PDGFRB: variants seen among roughly 807,000 people sequenced by gnomAD.
PDGFRB encodes platelet derived growth factor receptor beta.
In PDGFRB, 42 loss-of-function variants were observed where a neutral mutation model predicts 120.2. The ratio of observed to expected loss-of-function variants is 0.35; its 90% CI spans 0.27 to 0.45. The LOEUF is 0.45. Among genes scored for constraint, PDGFRB ranks in the 20% least tolerant of loss-of-function variants. The pLI is 1.00. For missense variants in PDGFRB, 1,149 were observed against 1,476.3 expected (o/e 0.78, Z 3.63); for synonymous variants, 586 against 606.8 (o/e 0.97, Z 0.50).
In PDGFRB at chr5:150,129,797, A is replaced by G. The variant is rs150562879; in HGVS notation, c.1539T>C (p.Ala513=). ...TGACCTCCTGCGTGTCCTGGCCCAC[A>G]GCGTTGCGCAGCGTGCAGCGCACCG... ...PLSVRCTLRN[A]VGQDTQEVIV... The change falls in exon 10 of 23, where the codon GCT becomes GCC. Residue 513 remains alanine (A), a synonymous_variant. Coordinates refer to ENST00000261799, the MANE Select transcript of PDGFRB (RefSeq NM_002609.4). 3.1e-5 allele frequency: 50 copies of G among 1,613,944 alleles called. No individual in the cohort carries two copies. In the East Asian group the frequency reaches 8.5e-4, roughly 27 times the overall value.
At chr5:150,122,349 C>T (rs1760165994) in intron 15 of PDGFRB, 2 of 325,214 alleles carry the variant, frequency 6.1e-6, no homozygotes, top group Non-Finnish European at 1.2e-5. Context: ...CCAGCGCCAC[C>T]TGGCCATGGG....
At chr5:150,127,860 C>T (rs1485573275) in intron 10 of PDGFRB, among the ~76,000 whole-genome samples, 3 of 76,760 alleles carry the variant, frequency 3.9e-5, no homozygotes, top group African/African-American at 1.2e-4. Context: ...AAAAAAAAAA[C>T]TTTGGATGCT....
intron 15 of PDGFRB, among the ~76,000 whole-genome samples, chr5:150,122,793 C>A (rs1363513301): frequency 6.6e-6 from 1 of 152,212 alleles, no homozygotes; most frequent in Non-Finnish European, 1.5e-5. Context: ...CTGCCCTGGA[C>A]TGAAGGGCAA....
intron 22 of PDGFRB, 71 bp downstream of exon 22, chr5:150,117,547 C>CACAG (rs33959792): frequency 7.6e-5 from 34 of 447,356 alleles, no homozygotes; most frequent in Non-Finnish European, 1.1e-4. Context: ...CGCGCGCGCA[C>CACAG]ACACACACAC....
At chr5:150,155,030 G>C (rs1248887273) in intron 1 of PDGFRB, among the ~76,000 whole-genome samples, 1 of 152,140 alleles carries the variant, frequency 6.6e-6, no homozygotes, top group African/African-American at 2.4e-5. Flanking sequence ...CCTGCTTTCT[G>C]TGTACCCTGC....
chr5:150,117,858 CG>C lies in PDGFRB; in HGVS notation c.2905-9del. The C allele has an allele frequency of 6.4e-7, 1 of 1,555,550 alleles. No individual in the cohort carries two copies. The highest frequency in any genetic ancestry group is 8.8e-7 in the Non-Finnish European group (1 of 1,131,670). On this transcript the variant is annotated splice_polypyrimidine_tract_variant and intron_variant, in intron 21 of 22. Transcript: ENST00000261799. ...ATCCACCTGCTGGTACTTCTGCTCC[CG>C]GGGCAGGGAGAACCAAAGAAACAGG...
chr5:150,146,828 C>T (rs561224419), intron 1 of PDGFRB, among the ~76,000 whole-genome samples: 14 of 152,324 alleles, frequency 9.2e-5, no homozygotes, highest in African/African-American at 2.6e-4. Flanking sequence ...GGCGTCCATA[C>T]GGAATCCAGG....
At chr5:150,147,703 C>G (rs978953854) in intron 1 of PDGFRB, among the ~76,000 whole-genome samples, 1 of 152,214 alleles carries the variant, frequency 6.6e-6, no homozygotes, top group Non-Finnish European at 1.5e-5. Context: ...GACCCTCTCA[C>G]TGTCTCAGCA....
rs758280032 is a variant in PDGFRB, at chr5:150,124,324, G to A, written c.1949C>T (p.Ser650Leu). The change falls in exon 14 of 23, where the codon TCG becomes TTG. Residue 650 changes from serine (S) to leucine (L), a missense_variant. By Grantham distance (145) the Ser-to-Leu change is moderately radical (BLOSUM62 -2). Around this residue, in one of 3 missense-constraint regions of PDGFRB, gnomAD observed 879 missense variants for 1,108.6 expected, o/e 0.79. Transcript: ENST00000261799. The stretch of plus-strand genomic sequence containing the variant: ...AAGGTGACTCATGATCTTCAGCTCC[G>A]ACATAAGGGCTTGCTTCTCACTGCT... ...ARSSEKQALM[S>L]ELKIMSHLGP... is the part of the protein sequence containing the mutation. The A allele has an allele frequency of 8.1e-6, 13 of 1,614,124 alleles. No individual in the cohort carries two copies. Among genetic ancestry groups the A allele is most frequent in the Non-Finnish European group, 1.1e-5 (13 of 1,179,970 alleles).
chr5:150,126,622 C>A lies in PDGFRB; in HGVS notation c.1580-8G>T. The A allele has an allele frequency of 6.5e-7, 1 of 1,549,098 alleles. No individual in the cohort carries two copies. The highest frequency in any genetic ancestry group is 2.2e-5 in the East Asian group (1 of 44,576). Reference sequence around the variant, plus strand: ...CCACCTTAAAGGGCAAGGCTGGAGGCAGAGATGAGAGCAGGCCATGAGCAA... The same window carrying A: ...CCACCTTAAAGGGCAAGGCTGGAGGAAGAGATGAGAGCAGGCCATGAGCAA... On this transcript the variant is annotated splice_polypyrimidine_tract_variant and splice_region_variant and intron_variant, in intron 10 of 22. Coordinates refer to ENST00000261799, the MANE Select transcript of PDGFRB (RefSeq NM_002609.4).
At chr5:150,150,444 C>T (rs1468883671) in intron 1 of PDGFRB, among the ~76,000 whole-genome samples, 1 of 152,204 alleles carries the variant, frequency 6.6e-6, no homozygotes, top group African/African-American at 2.4e-5. Context: ...GGCGGAGAAG[C>T]TGGTACCTCT....
chr5:150,115,858 G>A lies in PDGFRB; in HGVS notation c.3226C>T (p.Leu1076Phe), dbSNP rs376730887. ...PQDEPEPEPQ[L>F]ELQVEPEPEL... ...GGCTCCGGCTCCACCTGGAGCTCAA[G>A]CTGGGGCTCTGGCTCTGGTTCGTCC... is the stretch of plus-strand genomic sequence containing the variant. The change falls in exon 23 of 23, where the codon CTT (leucine) becomes TTT (phenylalanine). Residue 1076 changes from leucine to phenylalanine, a missense_variant. Coordinates refer to ENST00000261799, the MANE Select transcript of PDGFRB (RefSeq NM_002609.4). The A allele has an allele frequency of 6.2e-7, 1 of 1,612,244 alleles. No homozygotes were observed. The highest frequency in any genetic ancestry group is 8.5e-7 in the Non-Finnish European group (1 of 1,178,988).
rs542518387 is a variant in PDGFRB at position 150,155,636 on chromosome 5, C to T, written c.-246G>A. On this transcript the variant is annotated 5_prime_UTR_variant, in exon 1 of 23. Transcript: ENST00000261799. The stretch of plus-strand genomic sequence containing the variant: ...GGAGCGGCCCAGCTTCGCCTCACTC[C>T]CCAAGCATCCTTCGGGAGGAGCAGA... 1.3e-5 allele frequency: 5 copies of T among 398,654 alleles called. No homozygotes were observed. The highest frequency in any genetic ancestry group is 4.4e-6 in the Non-Finnish European group (1 of 226,212). The allele number at this position is 398,654 out of a possible 1,614,324, so 24.7% of individuals were successfully genotyped here. A position where few individuals can be genotyped will look rare whatever the true frequency, so the allele number is the denominator to read the frequency against.
chr5:150,152,419 G>C (rs1273578287), intron 1 of PDGFRB, among the ~76,000 whole-genome samples: 1 of 152,124 alleles, frequency 6.6e-6, no homozygotes. Context: ...CTGACCCTGG[G>C]AAGGGGCCCA....
intron 1 of PDGFRB, among the ~76,000 whole-genome samples, chr5:150,148,147 G>A (rs954099310): frequency 3.3e-5 from 5 of 152,100 alleles, no homozygotes; most frequent in African/African-American, 4.8e-5. Flanking sequence ...TCGGCGATTC[G>A]GTGGCCAACC....
chr5:150,154,784 A>G (rs990223014), intron 1 of PDGFRB, among the ~76,000 whole-genome samples: 5 of 152,188 alleles, frequency 3.3e-5, no homozygotes, highest in African/African-American at 1.2e-4. Flanking sequence ...CCCCAGACCC[A>G]GCAGCATGAC....
chr5:150,150,755 ACTC>A (rs1377060720), intron 1 of PDGFRB, among the ~76,000 whole-genome samples: 2 of 151,810 alleles, frequency 1.3e-5, no homozygotes, highest in African/African-American at 2.4e-5. Flanking sequence ...TTTCACACCC[ACTC>A]CCACCAGAGG....
At chr5:150,150,351 C>A (rs1761040609) in intron 1 of PDGFRB, among the ~76,000 whole-genome samples, 1 of 152,150 alleles carries the variant, frequency 6.6e-6, no homozygotes, top group Non-Finnish European at 1.5e-5. Flanking sequence ...GATCAGGTGA[C>A]CCCCAAAAGT....
Position 150,135,749 on chromosome 5 carries a change from G to T in PDGFRB, c.170C>A (p.Ser57Ter). 6.2e-7 allele frequency: 1 copy of T among 1,614,076 alleles called. No individual in the cohort carries two copies. Among genetic ancestry groups the T allele is most frequent in the Non-Finnish European group, 8.5e-7 (1 of 1,179,974 alleles). Residue 57 changes from serine (S) to a stop codon, truncating the protein, a stop_gained, in exon 3 of 23, where the codon TCA becomes TAA. Coordinates refer to ENST00000261799, the MANE Select transcript of PDGFRB (RefSeq NM_002609.4). LOFTEE classifies it high-confidence loss of function. ...SSTFVLTCSG[S>*]APVVWERMSQ... ...CATCCGTTCCCACACCACCGGAGCT[G>T]AACCCGAGCAGGTCAGAACGAAGGT... is the stretch of plus-strand genomic sequence containing the variant.
Sources: gnomAD v4.1 joint callset for allele counts (sites outside exome capture counted in the v4.1 genomes callset) on GRCh38, gnomAD v4.1.1 for gene constraint, gnomAD v4.1.1 regional missense constraint, MANE v1.5 for transcripts, NCBI Gene and HGNC (gene_info 2026-07-23, HGNC 2026-07-21) for gene names.